MCTP2: variants seen among roughly 807,000 people sequenced by gnomAD.
MCTP2 encodes multiple C2 and transmembrane domain containing 2, also known as multiple C2 and transmembrane domain-containing protein 2.
MCTP2 carries 132 observed loss-of-function variants against 111.6 expected under a neutral mutation model. The ratio of observed to expected loss-of-function variants is 1.18; its 90% CI spans 1.03 to 1.37. The LOEUF (loss-of-function observed/expected upper bound fraction) is 1.37, where lower values mean the gene tolerates loss of function less well. Among genes scored for constraint, MCTP2 ranks in the 40% most tolerant of loss-of-function variants. MCTP2 has a pLI of 0.00. For synonymous variants in MCTP2, 395 were observed against 387.7 expected, an observed-to-expected ratio of 1.02 and a Z score of -0.22; for missense variants, 1,183 against 1,067.9, an observed-to-expected ratio of 1.11 and a Z score of -1.50.
At chr15:94,441,778 C>T (rs904599802) in intron 18 of MCTP2, among the ~76,000 whole-genome samples, 1 of 152,190 alleles carries the variant, frequency 6.6e-6, no homozygotes, top group Non-Finnish European at 1.5e-5. Context: ...AAGCTAAAGA[C>T]TTCTCCCAAT....
Position 94,442,932 on chromosome 15 carries a change from T to C in MCTP2, c.2222T>C (p.Ile741Thr). Residue 741 changes from isoleucine to threonine, a missense_variant, in exon 19 of 23, where the codon ATA becomes ACA. Ile to Thr is a moderately conservative substitution (Grantham distance 89, BLOSUM62 -1). Transcript: ENST00000357742. ...ATTTCCTTTCAGGAGAGCACAGACA[T>C]AGATGACGAGGAGGATGAAGATGAC... ...SIQDSQESTD[I>T]DDEEDEDDKE... 2.5e-6 allele frequency: 4 copies of C among 1,613,506 alleles called. No individual in the cohort carries two copies. Among genetic ancestry groups the C allele is most frequent in the East Asian group, 2.2e-5 (1 of 44,820 alleles).
intron 1 of MCTP2, among the ~76,000 whole-genome samples, chr15:94,266,041 C>T (rs988044957): frequency 2.0e-5 from 3 of 151,720 alleles, no homozygotes; most frequent in African/African-American, 7.3e-5. Context: ...ATCTCTGTAG[C>T]TAGCTGTGCT....
intron 1 of MCTP2, among the ~76,000 whole-genome samples, chr15:94,293,512 T>G (rs571340172): frequency 1.2e-4 from 19 of 152,254 alleles, no homozygotes; most frequent in Non-Finnish European, 2.6e-4. Flanking sequence ...TAATACTGGG[T>G]TTTTCAGTAT....
At chr15:94,245,577 C>G (rs1010171356) in intron 1 of MCTP2, among the ~76,000 whole-genome samples, 2 of 139,454 alleles carry the variant, frequency 1.4e-5, no homozygotes, top group East Asian at 4.2e-4. Flanking sequence ...TGTATATATA[C>G]GTATATGTAC....
intron 20 of MCTP2, among the ~76,000 whole-genome samples, chr15:94,463,567 C>G (rs1413749741): frequency 6.6e-6 from 1 of 152,122 alleles, no homozygotes; most frequent in Non-Finnish European, 1.5e-5. Context: ...AGCCCTTACA[C>G]ATTTCATTTT....
intron 8 of MCTP2, among the ~76,000 whole-genome samples, chr15:94,351,421 A>C (rs1477913956): frequency 6.6e-6 from 1 of 152,176 alleles, no homozygotes; most frequent in East Asian, 1.9e-4. Context: ...TTATAGGCTC[A>C]ATGTTTTCTC....
chr15:94,249,861 T>C (rs575789512), intron 1 of MCTP2, among the ~76,000 whole-genome samples: 2 of 152,284 alleles, frequency 1.3e-5, no homozygotes, highest in African/African-American at 4.8e-5. Context: ...AACCTAGTTG[T>C]CATCCAAGAC....
Position 94,458,213 on chromosome 15 carries a change from A to G in MCTP2, c.2327A>G (p.Glu776Gly), listed in dbSNP as rs776995335. 1.2e-6 allele frequency: 2 copies of G among 1,610,514 alleles called. No individual in the cohort carries two copies. The highest frequency in any genetic ancestry group is 2.7e-5 in the African/African-American group (2 of 74,978). Residue 776 changes from glutamate (E) to glycine (G), a missense_variant, in exon 20 of 23, where the codon GAG becomes GGG. By Grantham distance (98) the Glu-to-Gly change is moderately conservative (BLOSUM62 -2). Coordinates refer to ENST00000357742, the MANE Select transcript of MCTP2 (RefSeq NM_001385001.1). ...DIVSTVQNVL[E>G]EIASFGERIK... ...GTTTCAACTGTTCAAAACGTCTTGGAGGAAATAGCTTCTTTTGGAGAAAGG... is the reference window on the plus strand; with the variant it reads ...GTTTCAACTGTTCAAAACGTCTTGGGGGAAATAGCTTCTTTTGGAGAAAGG...
rs569701737 is a variant in MCTP2, at chr15:94,265,771, C to T, written c.-65-32430C>T. ...GAAGATAAAATGAAGGCAAAATAAA[C>T]AGTATATAAACATTTGAAAACTTAG... On this transcript the variant is annotated intron_variant, in intron 1 of 22. Transcript: ENST00000357742. Among the ~76,000 whole-genome samples the T allele has an allele frequency of 2.0e-5, 3 of 152,184 alleles. No individual in the cohort carries two copies. The South Asian group carries it at 6.2e-4, about 32-fold the overall frequency.
intron 1 of MCTP2, among the ~76,000 whole-genome samples, chr15:94,258,626 A>G (rs2072994902): frequency 6.6e-6 from 1 of 152,228 alleles, no homozygotes; most frequent in South Asian, 2.1e-4. Flanking sequence ...CCCTATTTAA[A>G]TCACGCTTGC....
chr15:94,359,566 C>T (rs925330427), intron 10 of MCTP2, among the ~76,000 whole-genome samples: 6 of 152,164 alleles, frequency 3.9e-5, no homozygotes, highest in African/African-American at 1.4e-4. Flanking sequence ...CCTTGCACCT[C>T]TCCTCTGTGG....
intron 8 of MCTP2, among the ~76,000 whole-genome samples, chr15:94,353,188 G>A (rs941591740): frequency 2.0e-5 from 3 of 152,120 alleles, no homozygotes; most frequent in Non-Finnish European, 4.4e-5. Context: ...TTCAAAGTCC[G>A]ACTGAGATAG....
At chr15:94,428,592 G>T (rs533010047) in intron 17 of MCTP2, among the ~76,000 whole-genome samples, 1 of 151,644 alleles carries the variant, frequency 6.6e-6, no homozygotes. Flanking sequence ...GCTTTTTCTC[G>T]GTTCTCTGTT....
At chr15:94,243,829 G>A (rs2071382096) in intron 1 of MCTP2, among the ~76,000 whole-genome samples, 2 of 145,900 alleles carry the variant, frequency 1.4e-5, no homozygotes, top group South Asian at 4.3e-4. Context: ...ATACACATAT[G>A]TATATATTTA....
intron 1 of MCTP2, among the ~76,000 whole-genome samples, chr15:94,244,288 A>T (rs749926232): frequency 6.7e-6 from 1 of 148,642 alleles, no homozygotes; most frequent in African/African-American, 2.5e-5. Flanking sequence ...ATATACACAT[A>T]CATATGTGTA....
chr15:94,424,533 C>G (rs2152496399), intron 17 of MCTP2, among the ~76,000 whole-genome samples: 1 of 152,208 alleles, frequency 6.6e-6, no homozygotes, highest in East Asian at 1.9e-4. Flanking sequence ...TAAATAACGC[C>G]TCCAGGTGCT....
chr15:94,448,446 T>G (rs1394877514), intron 19 of MCTP2, among the ~76,000 whole-genome samples: 1 of 152,252 alleles, frequency 6.6e-6, no homozygotes, highest in Non-Finnish European at 1.5e-5. Context: ...GCGCTGATTT[T>G]TTCGTAGTCT....
intron 1 of MCTP2, among the ~76,000 whole-genome samples, chr15:94,241,715 T>C (rs1051288972): frequency 6.6e-6 from 1 of 152,122 alleles, no homozygotes; most frequent in Non-Finnish European, 1.5e-5. Context: ...GGAGATGGTC[T>C]AGTTTGAGCT....
At chr15:94,251,508 G>A (rs1052313129) in intron 1 of MCTP2, among the ~76,000 whole-genome samples, 7 of 151,858 alleles carry the variant, frequency 4.6e-5, no homozygotes, top group African/African-American at 1.7e-4. Flanking sequence ...ACAGGTGCCC[G>A]CCACCACGCC....
Sources: gnomAD v4.1 joint callset for allele counts (sites outside exome capture counted in the v4.1 genomes callset) on GRCh38, gnomAD v4.1.1 for gene constraint, MANE v1.5 for transcripts, NCBI Gene and HGNC (gene_info 2026-07-23, HGNC 2026-07-21) for gene names.